The following PSD3 variants were observed in gnomAD, a reference collection of about 807,000 sequenced individuals.
PSD3 encodes PH and SEC7 domain-containing protein 3.
In PSD3, 49 loss-of-function variants were observed where a neutral mutation model predicts 105.5. That is an observed-to-expected ratio of 0.46 (90% CI 0.37 to 0.59). PSD3 has a LOEUF of 0.59. Among genes scored for constraint, PSD3 ranks in the 20% least tolerant of loss-of-function variants. PSD3 has a pLI of 0.00. For missense variants in PSD3, 1,561 were observed against 1,263.8 expected (o/e 1.24, Z -3.57); for synonymous variants, 557 against 457.8 (o/e 1.22, Z -2.77).
chr8:18,670,433 G>A (rs1206343206), intron 9 of PSD3, among the ~76,000 whole-genome samples: 2 of 152,158 alleles, frequency 1.3e-5, no homozygotes, highest in African/African-American at 4.8e-5. Context: ...GCTTCTGTGT[G>A]GAGAAAGGAT....
intron 6 of PSD3, chr8:18,803,195 G>A: frequency 4.3e-6 from 1 of 231,756 alleles, no homozygotes; most frequent in Non-Finnish European, 8.8e-6. Flanking sequence ...GCTGATTCAG[G>A]AGAACTGCTT....
chr8:18,746,991 G>GCT (rs1016636547), intron 9 of PSD3, among the ~76,000 whole-genome samples: 3 of 152,050 alleles, frequency 2.0e-5, no homozygotes, highest in African/African-American at 4.8e-5. Flanking sequence ...GTGCCTGCTT[G>GCT]CTCTCTCTCT....
chr8:18,722,833 C>T (rs766666664), intron 9 of PSD3, among the ~76,000 whole-genome samples: 7 of 152,212 alleles, frequency 4.6e-5, no homozygotes, highest in Non-Finnish European at 7.3e-5. Context: ...AGGAGCATTA[C>T]TGGAGTACAA....
At chr8:18,760,968 T>C (rs1806477238) in intron 9 of PSD3, among the ~76,000 whole-genome samples, 1 of 152,176 alleles carries the variant, frequency 6.6e-6, no homozygotes, top group Non-Finnish European at 1.5e-5. Flanking sequence ...TCCATCAATA[T>C]TCCAGGATAA....
chr8:19,057,116 A>C (rs1416454628), intron 1 of PSD3, among the ~76,000 whole-genome samples: 1 of 152,174 alleles, frequency 6.6e-6, no homozygotes, highest in East Asian at 1.9e-4. Flanking sequence ...CATCAACAGC[A>C]CATACTCCCT....
chr8:18,959,878 A>C (rs2129471059), intron 1 of PSD3, among the ~76,000 whole-genome samples: 1 of 152,190 alleles, frequency 6.6e-6, no homozygotes. Context: ...TTACAAATTC[A>C]CCAATCAGAT....
chr8:18,853,450 G>A (rs769725392), intron 4 of PSD3, among the ~76,000 whole-genome samples: 16 of 151,910 alleles, frequency 1.1e-4, no homozygotes, highest in Non-Finnish European at 1.5e-4. Context: ...CTTTAGCATC[G>A]TTGACCTCAC....
chr8:19,060,391 A>T (rs1447157385), intron 1 of PSD3, among the ~76,000 whole-genome samples: 1 of 152,200 alleles, frequency 6.6e-6, no homozygotes, highest in Non-Finnish European at 1.5e-5. Flanking sequence ...GTAACCACAG[A>T]GGTCTATAGA....
At chr8:18,900,044 T>C (rs1443902675) in intron 2 of PSD3, among the ~76,000 whole-genome samples, 1 of 152,200 alleles carries the variant, frequency 6.6e-6, no homozygotes. Flanking sequence ...CAGGCAGATA[T>C]CCATTCTTCT....
At chr8:18,615,460 T>A (rs1345220578) in intron 11 of PSD3, among the ~76,000 whole-genome samples, 2 of 152,176 alleles carry the variant, frequency 1.3e-5, no homozygotes, top group Non-Finnish European at 2.9e-5. Context: ...GTTCCATCTG[T>A]AAGGGCGCAC....
intron 8 of PSD3, among the ~76,000 whole-genome samples, chr8:18,798,386 G>A (rs1035838085): frequency 2.0e-5 from 3 of 152,014 alleles, no homozygotes; most frequent in Admixed American, 6.6e-5. Context: ...CTTTCTGGTG[G>A]TGGAACCCTT....
At chr8:18,541,514 G>C (rs1394772488) in intron 15 of PSD3, among the ~76,000 whole-genome samples, 1 of 152,080 alleles carries the variant, frequency 6.6e-6, no homozygotes, top group African/African-American at 2.4e-5. Flanking sequence ...AAAATGCTAA[G>C]GTCTGACCCT....
intron 15 of PSD3, among the ~76,000 whole-genome samples, chr8:18,555,782 G>T (rs182048335): frequency 6.6e-6 from 1 of 152,118 alleles, no homozygotes; most frequent in Non-Finnish European, 1.5e-5. Flanking sequence ...TAGTGTTGCC[G>T]AACAGCAAGA....
intron 2 of PSD3, among the ~76,000 whole-genome samples, chr8:18,895,249 A>G (rs1305136386): frequency 6.6e-6 from 1 of 152,218 alleles, no homozygotes; most frequent in Non-Finnish European, 1.5e-5. Context: ...TGTCTGGCAG[A>G]TGCCCCATGT....
intron 9 of PSD3, among the ~76,000 whole-genome samples, chr8:18,677,394 A>G (rs1800117215): frequency 1.3e-5 from 2 of 152,158 alleles, no homozygotes; most frequent in South Asian, 2.1e-4. Flanking sequence ...CCTGGCCAAC[A>G]TGGCAAAAAC....
chr8:18,690,816 C>A (rs1800934776), intron 9 of PSD3, among the ~76,000 whole-genome samples: 1 of 152,206 alleles, frequency 6.6e-6, no homozygotes, highest in Non-Finnish European at 1.5e-5. Context: ...GAGCCCCTTC[C>A]CTTGATTTCC....
At chr8:18,635,884 G>A (rs1012551664) in intron 10 of PSD3, among the ~76,000 whole-genome samples, 2 of 151,740 alleles carry the variant, frequency 1.3e-5, no homozygotes, top group Non-Finnish European at 2.9e-5. Flanking sequence ...GGGCCTGTTG[G>A]GGGTGGGGTG....
intron 2 of PSD3, among the ~76,000 whole-genome samples, chr8:18,927,979 G>T (rs137898286): frequency 7.9e-5 from 12 of 152,092 alleles, no homozygotes; most frequent in African/African-American, 2.9e-4. Flanking sequence ...CATTCAACTC[G>T]GCAATTCTAC....
chr8:18,897,099 GC>G (rs1367318535), intron 2 of PSD3, among the ~76,000 whole-genome samples: 1 of 151,420 alleles, frequency 6.6e-6, no homozygotes, highest in Non-Finnish European at 1.5e-5. Context: ...GAGCCACCGT[GC>G]CCGGCCTATG....
Sources: gnomAD v4.1 joint callset for allele counts (sites outside exome capture counted in the v4.1 genomes callset) on GRCh38, gnomAD v4.1.1 for gene constraint, MANE v1.5 for transcripts, NCBI Gene and HGNC (gene_info 2026-07-23, HGNC 2026-07-21) for gene names.